The following RELN variants were observed in gnomAD, a reference collection of about 807,000 sequenced individuals.
RELN encodes the protein reelin.
RELN carries 108 observed loss-of-function variants against 427.6 expected under a neutral mutation model. The ratio of observed to expected loss-of-function variants is 0.25; its 90% CI spans 0.22 to 0.30. The LOEUF (loss-of-function observed/expected upper bound fraction) is 0.30. Among genes scored for constraint, RELN ranks in the 10% least tolerant of loss-of-function variants. The pLI is 1.00. For synonymous variants in RELN, 1,524 were observed against 1,513.4 expected (o/e 1.01, Z -0.16); for missense variants, 3,715 against 4,302.8 (o/e 0.86, Z 3.82).
At chr7:103,591,685 C>CTT (rs1435966251) in intron 27 of RELN, among the ~76,000 whole-genome samples, 2 of 152,120 alleles carry the variant, frequency 1.3e-5, no homozygotes, top group East Asian at 1.9e-4. Flanking sequence ...ACCTAGTTAA[C>CTT]TTTTTGTCTT....
chr7:103,764,991 G>A (rs913506265), intron 4 of RELN, among the ~76,000 whole-genome samples: 2 of 152,048 alleles, frequency 1.3e-5, no homozygotes, highest in Admixed American at 6.6e-5. Context: ...GTGGGTTATT[G>A]GTGACCTTGA....
intron 64 of RELN, 92 bp from the exon 65 acceptor site, chr7:103,473,000 A>G: frequency 9.6e-7 from 1 of 1,044,528 alleles, no homozygotes; most frequent in East Asian, 2.4e-5. Flanking sequence ...CTAGGTCCTA[A>G]GTTACTCTGA....
intron 1 of RELN, among the ~76,000 whole-genome samples, chr7:103,980,640 G>A (rs59280022): frequency 4.6e-5 from 7 of 152,106 alleles, no homozygotes; most frequent in Non-Finnish European, 1.0e-4. Context: ...GTTTATGCAC[G>A]CATAAAATGA....
At chr7:103,711,495 A>G (rs1424401993) in intron 8 of RELN, among the ~76,000 whole-genome samples, 5 of 152,224 alleles carry the variant, frequency 3.3e-5, no homozygotes, top group Non-Finnish European at 7.3e-5. Context: ...GTATTTAATG[A>G]CAGGACAAGA....
intron 51 of RELN, among the ~76,000 whole-genome samples, chr7:103,503,445 A>T (rs2117040583): frequency 6.6e-6 from 1 of 152,298 alleles, no homozygotes; most frequent in Admixed American, 6.5e-5. Context: ...TATATTGTGT[A>T]GGGGGTTTGG....
At chr7:103,685,682 C>G (rs1442132914) in intron 10 of RELN, among the ~76,000 whole-genome samples, 1 of 152,094 alleles carries the variant, frequency 6.6e-6, no homozygotes, top group African/African-American at 2.4e-5. Flanking sequence ...CTTTATGCTT[C>G]TAAGTACTAG....
At chr7:103,930,705 G>T (rs1012762198) in intron 1 of RELN, among the ~76,000 whole-genome samples, 15 of 152,024 alleles carry the variant, frequency 9.9e-5, no homozygotes, top group Non-Finnish European at 1.8e-4. Context: ...GGGCTCAAGC[G>T]ATCCTCCTGT....
intron 8 of RELN, among the ~76,000 whole-genome samples, chr7:103,720,089 AATAT>A (rs907623756): frequency 6.6e-6 from 1 of 151,714 alleles, no homozygotes; most frequent in Admixed American, 6.6e-5. Context: ...ACACATGTAT[AATAT>A]ATATAATTAT....
chr7:103,828,870 C>T (rs187076979), intron 3 of RELN, among the ~76,000 whole-genome samples: 1 of 151,874 alleles, frequency 6.6e-6, no homozygotes, highest in African/African-American at 2.4e-5. Flanking sequence ...GATTCCGATG[C>T]CATACTGCAA....
chr7:103,950,907 TGA>T (rs1796317359), intron 1 of RELN, among the ~76,000 whole-genome samples: 1 of 152,188 alleles, frequency 6.6e-6, no homozygotes, highest in South Asian at 2.1e-4. Flanking sequence ...TCTGTCTCCA[TGA>T]TTGCAGCTGT....
intron 1 of RELN, among the ~76,000 whole-genome samples, chr7:103,923,398 T>C (rs1332875663): frequency 6.6e-6 from 1 of 152,148 alleles, no homozygotes. Flanking sequence ...GACATGGTTT[T>C]GTGTGGATTT....
Position 103,500,820 on chromosome 7 carries a change from T to G in RELN, c.8592A>C (p.Gly2864=). 6.2e-7 allele frequency: 1 copy of G among 1,614,132 alleles called. No homozygotes were observed. Among genetic ancestry groups the G allele is most frequent in the Non-Finnish European group, 8.5e-7 (1 of 1,180,006 alleles). The change falls in exon 53 of 65, where the codon GGA becomes GGC. Residue 2864 remains glycine, a synonymous_variant. Transcript: ENST00000428762. ...PGCLDNCRGH[G]DCLREQCICD... ...AGATGCACTGTTCCCTTAAGCAATC[T>G]CCATGGCCCCTGCAGTTGTCCAAGC...
At chr7:103,845,548 T>C (rs1410252530) in intron 2 of RELN, among the ~76,000 whole-genome samples, 1 of 152,164 alleles carries the variant, frequency 6.6e-6, no homozygotes, top group Non-Finnish European at 1.5e-5. Flanking sequence ...AAGTGATCTG[T>C]CACCCATTTA....
At chr7:103,513,056 C>T (rs1000160427) in intron 50 of RELN, 20 of 152,138 alleles carry the variant, frequency 1.3e-4, no homozygotes, top group Non-Finnish European at 2.2e-4. Context: ...CACATTTAGT[C>T]CTACATCACA....
chr7:103,503,146 T>C lies in RELN; in HGVS notation c.8359A>G (p.Asn2787Asp). The change falls in exon 52 of 65, where the codon AAT (asparagine) becomes GAT (aspartate). Residue 2787 changes from asparagine (N) to aspartate (D), a missense_variant. Asn to Asp is a conservative substitution (Grantham distance 23). Coordinates refer to ENST00000428762, the MANE Select transcript of RELN (RefSeq NM_005045.4). ...GGCAAGCACTGAGGGACCAGATAAT[T>C]CCAACTCACACCGAAGTCAGTAGAA... ...QYSTDFGVSW[N>D]YLVPQCLPAD... 1.2e-6 allele frequency: 2 copies of C among 1,614,186 alleles called. No homozygotes were observed. Among genetic ancestry groups the C allele is most frequent in the Non-Finnish European group, 8.5e-7 (1 of 1,180,032 alleles).
chr7:103,566,982 TA>T (rs1562895781), intron 31 of RELN, among the ~76,000 whole-genome samples: 2 of 151,846 alleles, frequency 1.3e-5, no homozygotes, highest in African/African-American at 4.8e-5. Context: ...TAAGCTCTTA[TA>T]AGACTGCTCA....
chr7:103,864,967 C>T (rs981047745), intron 2 of RELN, among the ~76,000 whole-genome samples: 1 of 151,388 alleles, frequency 6.6e-6, no homozygotes, highest in African/African-American at 2.4e-5. Context: ...CCCGTCTCTA[C>T]TAAAAATATA....
chr7:103,976,739 G>A lies in RELN; in HGVS notation c.226+12392C>T, dbSNP rs142766931. Among the ~76,000 whole-genome samples, 96 of 152,290 alleles carry A rather than the reference G, an allele frequency of 6.3e-4. 3 individuals carry two copies. The Middle Eastern group carries it at 0.01, about 16-fold the overall frequency. The stretch of plus-strand genomic sequence containing the variant: ...GTCATTAGGCAGTCACCAGCATGAA[G>A]GTGGCACTGAAAGCATTAGAATGGT... On this transcript the variant is annotated intron_variant, in intron 1 of 64. Coordinates refer to ENST00000428762, the MANE Select transcript of RELN (RefSeq NM_005045.4).
intron 2 of RELN, among the ~76,000 whole-genome samples, chr7:103,841,985 G>T (rs1313728842): frequency 6.6e-6 from 1 of 151,868 alleles, no homozygotes; most frequent in Non-Finnish European, 1.5e-5. Flanking sequence ...CAAACAAAGG[G>T]CAAGTACATT....
Sources: allele counts gnomAD v4.1 joint callset (sites outside exome capture counted in the v4.1 genomes callset), GRCh38; gene constraint gnomAD v4.1.1; transcripts MANE v1.5; gene names NCBI Gene and HGNC (gene_info 2026-07-23, HGNC 2026-07-21).